ADAMTS3: variants seen among roughly 807,000 people sequenced by gnomAD.
The protein encoded by ADAMTS3 is ADAM metallopeptidase with thrombospondin type 1 motif 3, also known as A disintegrin and metalloproteinase with thrombospondin motifs 3.
ADAMTS3 carries 73 observed loss-of-function variants against 129.0 expected under a neutral mutation model. That is an observed-to-expected ratio of 0.57 (90% confidence interval 0.47 to 0.69). The LOEUF (loss-of-function observed/expected upper bound fraction) is 0.69, where lower values mean the gene tolerates loss of function less well. ADAMTS3 is among the 30% of genes least tolerant of loss of function. ADAMTS3 has a pLI of 0.00. For missense variants in ADAMTS3, 1,457 were observed against 1,514.5 expected (o/e 0.96, Z 0.63); for synonymous variants, 477 against 510.8 (o/e 0.93, Z 0.89).
chr4:72,436,272 C>A (rs528014882), intron 3 of ADAMTS3, among the ~76,000 whole-genome samples: 1 of 152,114 alleles, frequency 6.6e-6, no homozygotes, highest in Non-Finnish European at 1.5e-5. Context: ...TCATCACTGG[C>A]CATCAGAGAA....
At chr4:72,477,590 G>A (rs1236350345) in intron 3 of ADAMTS3, among the ~76,000 whole-genome samples, 2 of 152,076 alleles carry the variant, frequency 1.3e-5, no homozygotes, top group Admixed American at 6.6e-5. Context: ...GAGAAAGCAG[G>A]AAAGATCCAA....
intron 4 of ADAMTS3, among the ~76,000 whole-genome samples, chr4:72,375,451 A>C (rs971244669): frequency 4.6e-5 from 7 of 152,170 alleles, no homozygotes; most frequent in Non-Finnish European, 7.4e-5. Flanking sequence ...GAAAAGACAG[A>C]GCTTAAATGA....
chr4:72,406,095 TGTCAA>T (rs1293717124), intron 4 of ADAMTS3, among the ~76,000 whole-genome samples: 3 of 152,032 alleles, frequency 2.0e-5, no homozygotes, highest in Admixed American at 2.0e-4. Flanking sequence ...GCTGAATCAG[TGTCAA>T]TGTGGGTCCC....
intron 4 of ADAMTS3, among the ~76,000 whole-genome samples, chr4:72,379,434 T>A (rs1721218876): frequency 1.1e-5 from 1 of 87,274 alleles, no homozygotes; most frequent in Non-Finnish European, 2.4e-5. Flanking sequence ...AAATAAACAG[T>A]TTGAAAAAAA....
chr4:72,310,896 T>C (rs1719214909), intron 14 of ADAMTS3, 152 bp downstream of exon 14: 1 of 652,474 alleles, frequency 1.5e-6, no homozygotes, highest in Non-Finnish European at 2.2e-6. Context: ...GTACAATGTC[T>C]CTCAAATTTA....
chr4:72,383,106 T>C (rs1262513356), intron 4 of ADAMTS3, among the ~76,000 whole-genome samples: 6 of 152,176 alleles, frequency 3.9e-5, no homozygotes, highest in Non-Finnish European at 8.8e-5. Context: ...GGAATGCTTT[T>C]TTTTTTTTCT....
chr4:72,383,802 G>C (rs1025224177), intron 4 of ADAMTS3, among the ~76,000 whole-genome samples: 1 of 152,026 alleles, frequency 6.6e-6, no homozygotes, highest in Admixed American at 6.6e-5. Flanking sequence ...GATACATAAA[G>C]AAACTTTTTA....
rs183236556 is a variant in ADAMTS3 at position 72,533,436 on chromosome 4, G to T, written c.504+15042C>A. On this transcript the variant is annotated intron_variant, in intron 3 of 21. Transcript: ENST00000286657. ...AGGAACTGCCTGAGGCTGTTTTACA[G>T]CAGCTTTTTTTTTCTAATAACAGAA... 3.3e-5 allele frequency among the ~76,000 whole-genome samples: 5 copies of T among 152,084 alleles called. No homozygotes were observed. In the East Asian group the frequency reaches 9.7e-4, roughly 29 times the overall value.
In ADAMTS3 at chr4:72,456,002, CATATAG is replaced by C. The variant is rs1718573945; in HGVS notation, c.505-41037_505-41032del. Among the ~76,000 whole-genome samples, 2 of 7,052 alleles carry C rather than the reference CATATAG, an allele frequency of 2.8e-4. 1 individual carries two copies. The highest frequency in any genetic ancestry group is 7.2e-4 in the African/African-American group (2 of 2,762). 4.6% of individuals were successfully genotyped at this position (7,052 alleles called of 152,430 possible). On this transcript the variant is annotated intron_variant, in intron 3 of 21. Coordinates refer to ENST00000286657, the MANE Select transcript of ADAMTS3 (RefSeq NM_014243.3). ...TAGTATATATACTATATATATTTTA[CATATAG>C]TATATATACTATATATATATTTTAC... is the stretch of plus-strand genomic sequence containing the variant.
chr4:72,319,813 A>G (rs771574446), intron 8 of ADAMTS3, 45 bp downstream of exon 8: 24 of 1,456,004 alleles, frequency 1.6e-5, no homozygotes, highest in Non-Finnish European at 7.7e-6. Context: ...GAAGCAGGAA[A>G]GAAAAGATCT....
At chr4:72,489,293 G>C (rs1305186134) in intron 3 of ADAMTS3, among the ~76,000 whole-genome samples, 1 of 151,908 alleles carries the variant, frequency 6.6e-6, no homozygotes, top group African/African-American at 2.4e-5. Flanking sequence ...TATCTGCAGT[G>C]TTGCTTTCTA....
intron 9 of ADAMTS3, among the ~76,000 whole-genome samples, chr4:72,318,991 C>G (rs991661581): frequency 6.6e-6 from 1 of 152,160 alleles, no homozygotes; most frequent in East Asian, 1.9e-4. Flanking sequence ...AGGGCACATC[C>G]TGACACCTAT....
intron 3 of ADAMTS3, among the ~76,000 whole-genome samples, chr4:72,505,857 C>T (rs544973253): frequency 6.6e-6 from 1 of 152,206 alleles, no homozygotes. Context: ...AAGTGTGAAG[C>T]AGCTCAGGCT....
intron 3 of ADAMTS3, among the ~76,000 whole-genome samples, chr4:72,417,122 T>G (rs1407421521): frequency 5.9e-5 from 9 of 152,226 alleles, no homozygotes; most frequent in Non-Finnish European, 1.5e-5. Context: ...CTGTAACATC[T>G]ACATTATTCG....
At chr4:72,399,755 G>A (rs1314370773) in intron 4 of ADAMTS3, among the ~76,000 whole-genome samples, 6 of 148,658 alleles carry the variant, frequency 4.0e-5, no homozygotes, top group Non-Finnish European at 8.9e-5. Flanking sequence ...GTACGCATAT[G>A]TGTGTATATA....
intron 3 of ADAMTS3, among the ~76,000 whole-genome samples, chr4:72,487,334 C>T (rs183956095): frequency 7.9e-4 from 120 of 152,142 alleles, no homozygotes; most frequent in Admixed American, 3.7e-3. Flanking sequence ...TAAAATAGGT[C>T]TTCAAAAAAT....
At chr4:72,352,848 T>C (rs1720478791) in intron 4 of ADAMTS3, among the ~76,000 whole-genome samples, 1 of 151,918 alleles carries the variant, frequency 6.6e-6, no homozygotes, top group Admixed American at 6.6e-5. Flanking sequence ...GAAATAGAAC[T>C]TCAAAGAGGA....
chr4:72,337,191 T>C (rs2109829152), intron 5 of ADAMTS3, among the ~76,000 whole-genome samples: 1 of 152,290 alleles, frequency 6.6e-6, no homozygotes, highest in South Asian at 2.1e-4. Context: ...ATTAAAAAAT[T>C]ATTTTCTCTC....
At chr4:72,426,799 G>C (rs1722585533) in intron 3 of ADAMTS3, among the ~76,000 whole-genome samples, 1 of 151,934 alleles carries the variant, frequency 6.6e-6, no homozygotes, top group Admixed American at 6.6e-5. Flanking sequence ...AGGCTGAGAT[G>C]AGAGGACTTG....
Sources: allele counts gnomAD v4.1 joint callset (sites outside exome capture counted in the v4.1 genomes callset), GRCh38; gene constraint gnomAD v4.1.1; transcripts MANE v1.5; gene names NCBI Gene and HGNC (gene_info 2026-07-23, HGNC 2026-07-21).